The following FARS2 variants were observed in gnomAD, a reference collection of about 807,000 sequenced individuals.
FARS2 encodes the protein phenylalanyl-tRNA synthetase 2, mitochondrial.
A neutral mutation model predicts 46.4 loss-of-function variants in FARS2; 40 were observed. That is an observed-to-expected ratio of 0.86 (90% CI 0.67 to 1.12). FARS2 has a LOEUF of 1.12. Ranked by LOEUF, FARS2 falls within the 50% of genes most tolerant of loss-of-function variation. The pLI is 0.00. For synonymous variants in FARS2, 234 were observed against 214.9 expected (o/e 1.09, Z -0.78); for missense variants, 513 against 567.9 (o/e 0.90, Z 0.98).
rs190456536 is a variant in FARS2, at chr6:5,346,682, G to A, written c.-21-21868G>A. On this transcript the variant is annotated intron_variant, in intron 1 of 6. Coordinates refer to ENST00000274680, the MANE Select transcript of FARS2 (RefSeq NM_006567.5). ...CGTATAGCCGCCACCTCGATTCTAC[G>A]ATTTACATATTACTGTACTTGCTTT... is the stretch of plus-strand genomic sequence containing the variant. Among the ~76,000 whole-genome samples, 22 of 152,028 alleles carry A rather than the reference G, an allele frequency of 1.4e-4. No homozygotes were observed. The East Asian group carries it at 4.1e-3, about 28-fold the overall frequency.
intron 6 of FARS2, among the ~76,000 whole-genome samples, chr6:5,712,619 C>T (rs1371149486): frequency 6.6e-6 from 1 of 152,256 alleles, no homozygotes; most frequent in Admixed American, 6.5e-5. Flanking sequence ...CCCCTACTTA[C>T]AAAGCTGGAA....
rs1255742073 is a variant in FARS2, at chr6:5,707,251, C to T, written c.1218-64040C>T. ...GCAATGAGGGTTTCACTCATAAAAACGACTCCTCGTTACCAGTTGAGGACC... is the reference window on the plus strand; with the variant it reads ...GCAATGAGGGTTTCACTCATAAAAATGACTCCTCGTTACCAGTTGAGGACC... On this transcript the variant is annotated intron_variant, in intron 6 of 6. Coordinates refer to ENST00000274680, the MANE Select transcript of FARS2 (RefSeq NM_006567.5). Among the ~76,000 whole-genome samples the T allele has an allele frequency of 2.6e-5, 4 of 152,174 alleles. No individual in the cohort carries two copies. The East Asian group carries it at 5.8e-4, about 22-fold the overall frequency.
chr6:5,509,879 A>G (rs2150399794), intron 4 of FARS2, among the ~76,000 whole-genome samples: 1 of 152,374 alleles, frequency 6.6e-6, no homozygotes, highest in African/African-American at 2.4e-5. Flanking sequence ...GTTTATATAT[A>G]CACATCGTTT....
At chr6:5,595,978 G>C (rs1157832884) in intron 5 of FARS2, among the ~76,000 whole-genome samples, 1 of 152,088 alleles carries the variant, frequency 6.6e-6, no homozygotes, top group Non-Finnish European at 1.5e-5. Flanking sequence ...AGAGAAAGGG[G>C]GTAGTTAATT....
At chr6:5,580,831 C>T (rs1478289355) in intron 5 of FARS2, among the ~76,000 whole-genome samples, 1 of 152,188 alleles carries the variant, frequency 6.6e-6, no homozygotes, top group Non-Finnish European at 1.5e-5. Context: ...GGTTCCTATC[C>T]TCTGTTACCA....
intron 4 of FARS2, among the ~76,000 whole-genome samples, chr6:5,456,084 C>T (rs941360140): frequency 2.6e-5 from 4 of 152,064 alleles, no homozygotes; most frequent in African/African-American, 9.7e-5. Context: ...GGCACATTAG[C>T]GTGCATCTGT....
intron 4 of FARS2, chr6:5,431,556 T>C: frequency 2.1e-6 from 1 of 466,446 alleles, no homozygotes; most frequent in Non-Finnish European, 4.5e-6. Context: ...TTTTTGTTCT[T>C]ACTGCACTTA....
intron 5 of FARS2, among the ~76,000 whole-genome samples, chr6:5,582,840 C>T (rs1398354716): frequency 6.6e-6 from 1 of 152,146 alleles, no homozygotes; most frequent in East Asian, 1.9e-4. Flanking sequence ...TTTATGATAT[C>T]ATTGTGGTTG....
Position 5,691,992 on chromosome 6 carries a change from G to A in FARS2, c.1217+78672G>A, listed in dbSNP as rs182794012. Among the ~76,000 whole-genome samples, 723 of 152,322 alleles carry A rather than the reference G, an allele frequency of 4.7e-3. 6 individuals are homozygous for A. The highest frequency in any genetic ancestry group is 0.016 in the African/African-American group (684 of 41,564). ...GGGCGTAGGACCCTCCGAGCCAGGC[G>A]CGGGATATAATCTCCTGGTGTGCTG... On this transcript the variant is annotated intron_variant, in intron 6 of 6. Transcript: ENST00000274680.
intron 6 of FARS2, among the ~76,000 whole-genome samples, chr6:5,721,784 A>G (rs1273099530): frequency 1.3e-5 from 2 of 152,220 alleles, no homozygotes; most frequent in African/African-American, 2.4e-5. Flanking sequence ...TGGCAGGCTC[A>G]TTGCATTTAT....
intron 6 of FARS2, among the ~76,000 whole-genome samples, chr6:5,695,488 C>T (rs1464510566): frequency 6.6e-6 from 1 of 152,270 alleles, no homozygotes. Context: ...TTACTGAACA[C>T]TTCCTGTGTG....
intron 5 of FARS2, among the ~76,000 whole-genome samples, chr6:5,558,654 A>T (rs1771809831): frequency 1.3e-5 from 2 of 151,966 alleles, no homozygotes; most frequent in South Asian, 2.1e-4. Flanking sequence ...CTCCTGCCTC[A>T]GCCTCCTGAG....
At chr6:5,537,547 G>A (rs1401601946) in intron 4 of FARS2, among the ~76,000 whole-genome samples, 3 of 114,796 alleles carry the variant, frequency 2.6e-5, no homozygotes, top group Non-Finnish European at 4.0e-5. Flanking sequence ...GCCTCCTCTC[G>A]AGTTGGAGAT....
the FARS2 span, among the ~76,000 whole-genome samples, chr6:5,251,981 G>GGA: frequency 6.6e-6 from 1 of 151,730 alleles, no homozygotes; most frequent in Non-Finnish European, 1.5e-5. Context: ...TCCTAAACAC[G>GGA]AATCATTATT....
At chr6:5,623,337 A>G (rs1775868094) in intron 6 of FARS2, among the ~76,000 whole-genome samples, 1 of 152,232 alleles carries the variant, frequency 6.6e-6, no homozygotes, top group African/African-American at 2.4e-5. Flanking sequence ...ATGAAGGGAA[A>G]CAGAATGAGA....
At chr6:5,741,600 G>A (rs368444817) in intron 6 of FARS2, among the ~76,000 whole-genome samples, 1 of 152,326 alleles carries the variant, frequency 6.6e-6, no homozygotes. Flanking sequence ...AGCCAGGCTT[G>A]CACAACAGCC....
Position 5,560,577 on chromosome 6 carries a change from A to G in FARS2, c.1065+15237A>G, listed in dbSNP as rs372792019. On this transcript the variant is annotated intron_variant, in intron 5 of 6. Coordinates refer to ENST00000274680, the MANE Select transcript of FARS2 (RefSeq NM_006567.5). Reference sequence around the variant, plus strand: ...TTGATGTTAAGATTATGATATCCTCATAAAACTAGTTTAGAAGTATTTCCA... The same window carrying G: ...TTGATGTTAAGATTATGATATCCTCGTAAAACTAGTTTAGAAGTATTTCCA... Among the ~76,000 whole-genome samples, 9 of 152,260 alleles carry G rather than the reference A, an allele frequency of 5.9e-5. No individual in the cohort carries two copies. The East Asian group carries it at 1.2e-3, about 20-fold the overall frequency.
At chr6:5,747,616 T>C (rs1489338575) in intron 6 of FARS2, among the ~76,000 whole-genome samples, 3 of 152,152 alleles carry the variant, frequency 2.0e-5, no homozygotes, top group African/African-American at 7.2e-5. Flanking sequence ...GCAGGAGTTG[T>C]TGGGCACTGT....
intron 5 of FARS2, among the ~76,000 whole-genome samples, chr6:5,546,929 G>GTTATTTTATT (rs58939691): frequency 4.6e-5 from 7 of 151,050 alleles, no homozygotes; most frequent in South Asian, 2.1e-4. Context: ...ATTCATAATG[G>GTTATTTTATT]TTATTTTATT....
Sources: gnomAD v4.1 joint callset for allele counts (sites outside exome capture counted in the v4.1 genomes callset) on GRCh38, gnomAD v4.1.1 for gene constraint, MANE v1.5 for transcripts, NCBI Gene and HGNC (gene_info 2026-07-23, HGNC 2026-07-21) for gene names.